Variants in CADM2 observed in about 807,000 individuals in gnomAD.
CADM2 encodes the protein cell adhesion molecule 2, also known as immunoglobulin superfamily member 4D.
A neutral mutation model predicts 49.8 loss-of-function variants in CADM2; 12 were observed. The ratio of observed to expected loss-of-function variants is 0.24; its 90% CI spans 0.15 to 0.39. The LOEUF (loss-of-function observed/expected upper bound fraction) is 0.39. Among genes scored for constraint, CADM2 ranks in the 10% least tolerant of loss-of-function variants. CADM2 has a pLI of 1.00. For missense variants in CADM2, 378 were observed against 492.3 expected, an observed-to-expected ratio of 0.77 and a Z score of 2.20; for synonymous variants, 214 against 175.4, an observed-to-expected ratio of 1.22 and a Z score of -1.74.
intron 1 of CADM2, among the ~76,000 whole-genome samples, chr3:85,690,222 A>C (rs558280765): frequency 6.6e-6 from 1 of 152,212 alleles, no homozygotes; most frequent in Non-Finnish European, 1.5e-5. Context: ...GGGGATTCAG[A>C]TCAAATGGAG....
At chr3:85,840,661 G>C (rs1291928950) in intron 3 of CADM2, among the ~76,000 whole-genome samples, 1 of 151,870 alleles carries the variant, frequency 6.6e-6, no homozygotes, top group Non-Finnish European at 1.5e-5. Flanking sequence ...TTTTGTGTTA[G>C]TGAACCCAAC....
chr3:85,753,293 C>T (rs964990201), intron 2 of CADM2, among the ~76,000 whole-genome samples: 6 of 150,644 alleles, frequency 4.0e-5, no homozygotes, highest in South Asian at 2.1e-4. Context: ...TATAAAGGAA[C>T]GCTGGAAGAG....
intron 8 of CADM2, among the ~76,000 whole-genome samples, chr3:86,048,261 T>C (rs1315895959): frequency 6.6e-6 from 1 of 151,794 alleles, no homozygotes; most frequent in African/African-American, 2.4e-5. Context: ...TATACGTGTG[T>C]ATATATATAT....
chr3:85,031,350 A>T (rs1173445958), intron 1 of CADM2, among the ~76,000 whole-genome samples: 1 of 152,134 alleles, frequency 6.6e-6, no homozygotes, highest in South Asian at 2.1e-4. Flanking sequence ...GGAGATGAAC[A>T]AGTGAAATAT....
chr3:85,263,216 A>G (rs2043051193), intron 1 of CADM2, among the ~76,000 whole-genome samples: 1 of 151,898 alleles, frequency 6.6e-6, no homozygotes, highest in Non-Finnish European at 1.5e-5. Context: ...CTGATCTCCA[A>G]TCCTGAGCTC....
Position 85,166,505 on chromosome 3 carries a change from A to G in CADM2, c.61+206837A>G, listed in dbSNP as rs116143956. Among the ~76,000 whole-genome samples, 402 of 152,054 alleles carry G rather than the reference A, an allele frequency of 2.6e-3. 2 individuals carry two copies. The highest frequency in any genetic ancestry group is 9.3e-3 in the African/African-American group (385 of 41,578). On this transcript the variant is annotated intron_variant, in intron 1 of 9. Coordinates refer to ENST00000383699, the MANE Select transcript of CADM2 (RefSeq NM_001167675.2). The stretch of plus-strand genomic sequence containing the variant: ...CATTTGAAGCTTCATAAACAATGAA[A>G]TACATATTTCTATTGCATCAAAAAT...
intron 2 of CADM2, among the ~76,000 whole-genome samples, chr3:85,740,175 A>G (rs748057687): frequency 6.6e-5 from 10 of 152,184 alleles, no homozygotes; most frequent in Non-Finnish European, 1.2e-4. Context: ...TTTGTTTTCT[A>G]AGGAATTTGG....
chr3:85,644,821 T>TGCA (rs1391111838), intron 1 of CADM2, among the ~76,000 whole-genome samples: 2 of 152,178 alleles, frequency 1.3e-5, no homozygotes, highest in Non-Finnish European at 2.9e-5. Flanking sequence ...TTGCCAAAAC[T>TGCA]GCAGCTCATT....
rs3085116 is a variant in CADM2 at position 85,207,050 on chromosome 3, ATGTGTGTGTGTG to A, written c.61+247408_61+247419del. On this transcript the variant is annotated intron_variant, in intron 1 of 9. Coordinates refer to ENST00000383699, the MANE Select transcript of CADM2 (RefSeq NM_001167675.2). ...GAATCAGTTACTTTGGAAGAAATAA[ATGTGTGTGTGTG>A]TGTGTGTGTGTGTGTGTGTGTGTGT... is the stretch of plus-strand genomic sequence containing the variant. Among the ~76,000 whole-genome samples, 105 of 144,970 alleles carry A rather than the reference ATGTGTGTGTGTG, an allele frequency of 7.2e-4. 1 individual carries two copies. In the East Asian group the frequency reaches 0.018, roughly 25 times the overall value.
chr3:85,567,069 A>G (rs983162409), intron 1 of CADM2, among the ~76,000 whole-genome samples: 1 of 152,160 alleles, frequency 6.6e-6, no homozygotes, highest in Non-Finnish European at 1.5e-5. Flanking sequence ...AAAATGTGTC[A>G]TATTCCTCCT....
intron 1 of CADM2, among the ~76,000 whole-genome samples, chr3:85,650,935 G>T (rs1287986773): frequency 6.8e-6 from 1 of 146,746 alleles, no homozygotes; most frequent in East Asian, 2.0e-4. Context: ...TGCACAAAAT[G>T]CATGCTGATG....
chr3:85,042,544 G>A (rs1418821575), intron 1 of CADM2, among the ~76,000 whole-genome samples: 1 of 151,948 alleles, frequency 6.6e-6, no homozygotes, highest in Non-Finnish European at 1.5e-5. Context: ...AAATGACTAA[G>A]ACTTTTTTGA....
chr3:85,487,758 G>C (rs867958649), intron 1 of CADM2, among the ~76,000 whole-genome samples: 9 of 151,332 alleles, frequency 5.9e-5, no homozygotes, highest in Non-Finnish European at 2.9e-5. Context: ...GTGTGTGTGC[G>C]TGTGTGTGTG....
chr3:85,456,282 G>C (rs368990560), intron 1 of CADM2, among the ~76,000 whole-genome samples: 5 of 152,162 alleles, frequency 3.3e-5, no homozygotes, highest in South Asian at 2.1e-4. Context: ...CTATCTGGCA[G>C]CCATTCCTAG....
chr3:84,974,996 C>G, intron 1 of CADM2, among the ~76,000 whole-genome samples: 1 of 151,598 alleles, frequency 6.6e-6, no homozygotes, highest in East Asian at 1.9e-4. Context: ...TTATTTCTAA[C>G]CATTATTTGA....
chr3:85,244,256 G>A (rs759308234), intron 1 of CADM2, among the ~76,000 whole-genome samples: 1 of 151,986 alleles, frequency 6.6e-6, no homozygotes, highest in Admixed American at 6.6e-5. Context: ...TCAATAACAC[G>A]CAAGGGCTGT....
At chr3:85,366,726 G>T (rs6773589) in intron 1 of CADM2, among the ~76,000 whole-genome samples, 7 of 151,860 alleles carry the variant, frequency 4.6e-5, no homozygotes, top group African/African-American at 1.7e-4. Flanking sequence ...TATTAATGCC[G>T]AAATCTAAAA....
chr3:85,908,030 G>A lies in CADM2; in HGVS notation c.530-4343G>A, dbSNP rs571315017. On this transcript the variant is annotated intron_variant, in intron 5 of 9. Coordinates refer to ENST00000383699, the MANE Select transcript of CADM2 (RefSeq NM_001167675.2). ...AGATTATACTGCTCAAGGCATATAA[G>A]CACCACTGTGGAGACAAGGCAACTT... Among the ~76,000 whole-genome samples the A allele has an allele frequency of 2.0e-4, 30 of 152,068 alleles. 1 individual carries two copies. Among genetic ancestry groups the A allele is most frequent in the South Asian group, 1.0e-3 (5 of 4,814 alleles).
Position 85,359,666 on chromosome 3 carries a change from A to ATATATATATATATATATAT in CADM2, c.62-366855_62-366854insATATATATATATATATATT. Among the ~76,000 whole-genome samples the ATATATATATATATATATAT allele has an allele frequency of 1.4e-3, 37 of 26,546 alleles. 1 individual carries two copies. The highest frequency in any genetic ancestry group is 3.4e-3 in the African/African-American group (32 of 9,380). 17.4% of individuals were successfully genotyped at this position (26,546 alleles called of 152,430 possible). On this transcript the variant is annotated intron_variant, in intron 1 of 9. Coordinates refer to ENST00000383699, the MANE Select transcript of CADM2 (RefSeq NM_001167675.2). ...TATATATATATATATATATATATAT[A>ATATATATATATATATATAT]TTTTTTTTTTTGGTGGAGGGGAGAA...
Sources: allele counts gnomAD v4.1 joint callset (sites outside exome capture counted in the v4.1 genomes callset), GRCh38; gene constraint gnomAD v4.1.1; transcripts MANE v1.5; gene names NCBI Gene and HGNC (gene_info 2026-07-23, HGNC 2026-07-21).